Variants in MMRN1 observed in about 807,000 individuals in gnomAD.
The protein encoded by MMRN1 is multimerin 1.
In MMRN1, 94 loss-of-function variants were observed where a neutral mutation model predicts 100.7. That is an observed-to-expected ratio of 0.93 (90% confidence interval 0.79 to 1.11). The LOEUF is 1.11. Among genes scored for constraint, MMRN1 ranks in the 50% least tolerant of loss-of-function variants. MMRN1 has a pLI of 0.00. For synonymous variants in MMRN1, 575 were observed against 505.0 expected, an observed-to-expected ratio of 1.14 and a Z score of -1.86; for missense variants, 1,606 against 1,439.1, an observed-to-expected ratio of 1.12 and a Z score of -1.88.
chr4:89,927,747 G>C, intron 4 of MMRN1, 48 bp from the exon 5 acceptor site: 1 of 1,550,006 alleles, frequency 6.5e-7, no homozygotes, highest in Non-Finnish European at 8.8e-7. Flanking sequence ...ACCAACTATG[G>C]GTCAAAATAT....
chr4:89,893,072 G>C (rs143856062), upstream of MMRN1, among the ~76,000 whole-genome samples: 1 of 152,122 alleles, frequency 6.6e-6, no homozygotes, highest in African/African-American at 2.4e-5. Context: ...TAAAGACACT[G>C]TAAAGCCTTT....
At chr4:89,897,613 G>A (rs535437168) in intron 1 of MMRN1, among the ~76,000 whole-genome samples, 2 of 152,252 alleles carry the variant, frequency 1.3e-5, no homozygotes, top group South Asian at 4.2e-4. Flanking sequence ...GCATACAGTT[G>A]TGTCATAATT....
intron 5 of MMRN1, among the ~76,000 whole-genome samples, chr4:89,932,161 A>T (rs1560592770): frequency 6.6e-6 from 1 of 152,184 alleles, no homozygotes; most frequent in East Asian, 1.9e-4. Flanking sequence ...TACGGGCCTC[A>T]CGCAAGTCCG....
At position 89,879,695 on chromosome 4, in the gene MMRN1, A is replaced by G. The variant is rs149900418; in HGVS notation, c.-249+93A>G. The G allele has an allele frequency of 8.5e-5, 13 of 152,270 alleles. No homozygotes were observed. In the East Asian group the frequency reaches 2.5e-3, roughly 29 times the overall value. 9.4% of individuals were successfully genotyped at this position (152,270 alleles called of 1,614,324 possible). A position where few individuals can be genotyped will look rare whatever the true frequency, so the allele number is the denominator to read the frequency against. On this transcript the variant is annotated intron_variant, in intron 1 of 8. Transcript: ENST00000394980. ...TTTCTTCAAATAAGATTACAGGTCT[A>G]TTTCAAGTATTAGTAGTTTAGCTCT... is the stretch of plus-strand genomic sequence containing the variant.
intron 6 of MMRN1, chr4:89,951,331 C>A (rs912268376): frequency 1.0e-5 from 3 of 299,814 alleles, no homozygotes; most frequent in African/African-American, 6.5e-5. Context: ...TAATTCTATT[C>A]TGTTCTGCAG....
chr4:89,931,952 TC>T (rs1277239706), intron 5 of MMRN1, among the ~76,000 whole-genome samples: 2 of 152,008 alleles, frequency 1.3e-5, no homozygotes, highest in African/African-American at 4.8e-5. Context: ...TTCCCAACAG[TC>T]CCCCAAAGTC....
intron 1 of MMRN1, among the ~76,000 whole-genome samples, chr4:89,884,201 T>C (rs142143831): frequency 1.6e-3 from 240 of 152,244 alleles, no homozygotes; most frequent in African/African-American, 5.4e-3. Context: ...TGTGTTTCTT[T>C]ATTAATTTTA....
intron 6 of MMRN1, among the ~76,000 whole-genome samples, chr4:89,939,640 C>A (rs1188466782): frequency 6.6e-6 from 1 of 152,136 alleles, no homozygotes; most frequent in Non-Finnish European, 1.5e-5. Context: ...GGCTTCTGGC[C>A]AGCTAGACTC....
intron 2 of MMRN1, 116 bp downstream of exon 2, chr4:89,909,511 A>G: frequency 7.7e-7 from 1 of 1,300,522 alleles, no homozygotes; most frequent in African/African-American, 1.5e-5. Context: ...AGGGGATGGT[A>G]GTCACATTAT....
chr4:89,895,100 A>C lies in MMRN1; in HGVS notation c.129A>C (p.Ser43=), dbSNP rs1721147692. The change falls in exon 1 of 8, where the codon TCA becomes TCC. Residue 43 remains serine (S), a synonymous_variant. Transcript: ENST00000264790. The stretch of plus-strand genomic sequence containing the variant: ...CTCAGAAGACTATGCCTTCTGCTTC[A>C]GTTCCTCCAAATAAAATACAAAGTT... The part of the protein sequence containing the change: ...GNSQKTMPSA[S]VPPNKIQSLQ... 6.2e-7 allele frequency: 1 copy of C among 1,613,806 alleles called. No individual in the cohort carries two copies. The highest frequency in any genetic ancestry group is 1.3e-5 in the African/African-American group (1 of 74,896).
chr4:89,911,860 C>A, intron 2 of MMRN1, 84 bp from the exon 3 acceptor site: 2 of 896,246 alleles, frequency 2.2e-6, no homozygotes, highest in Non-Finnish European at 3.5e-6. Context: ...AGGCATTGCC[C>A]CAAAAACTTT....
chr4:89,906,452 A>G (rs1191115591), intron 1 of MMRN1, among the ~76,000 whole-genome samples: 1 of 151,528 alleles, frequency 6.6e-6, no homozygotes, highest in Non-Finnish European at 1.5e-5. Flanking sequence ...TTACCCTGAA[A>G]GAGAATCCCA....
At chr4:89,913,378 C>A (rs1721815184) in intron 3 of MMRN1, among the ~76,000 whole-genome samples, 1 of 151,288 alleles carries the variant, frequency 6.6e-6, no homozygotes, top group East Asian at 1.9e-4. Context: ...TATTAGTAGA[C>A]ATGTGGCAGG....
chr4:89,881,394 A>T (rs1431904213), intron 1 of MMRN1, among the ~76,000 whole-genome samples: 2 of 152,078 alleles, frequency 1.3e-5, no homozygotes, highest in South Asian at 4.1e-4. Context: ...TCTAGTCATG[A>T]CATACAAAAT....
intron 6 of MMRN1, among the ~76,000 whole-genome samples, chr4:89,945,676 C>G (rs530215427): frequency 1.2e-4 from 19 of 152,174 alleles, no homozygotes; most frequent in Admixed American, 1.1e-3. Context: ...TTCACGATAT[C>G]AAACAAAAAC....
chr4:89,895,663 A>G (rs1352657425), intron 1 of MMRN1, 69 bp downstream of exon 1: 2 of 1,471,844 alleles, frequency 1.4e-6, no homozygotes, highest in East Asian at 4.9e-5. Context: ...AGTGAAATTT[A>G]CCTCACTCCC....
chr4:89,900,068 A>G (rs1316207428), intron 1 of MMRN1, among the ~76,000 whole-genome samples: 1 of 152,104 alleles, frequency 6.6e-6, no homozygotes, highest in Admixed American at 6.6e-5. Flanking sequence ...TTTGTCTTTC[A>G]GACTTTGAGA....
intron 1 of MMRN1, among the ~76,000 whole-genome samples, chr4:89,900,775 A>G (rs1338834379): frequency 6.6e-6 from 1 of 152,012 alleles, no homozygotes; most frequent in African/African-American, 2.4e-5. Flanking sequence ...TTGGCAAAGC[A>G]TTGGTATATA....
intron 1 of MMRN1, among the ~76,000 whole-genome samples, chr4:89,898,822 G>A (rs1721293525): frequency 6.6e-6 from 1 of 151,964 alleles, no homozygotes; most frequent in African/African-American, 2.4e-5. Flanking sequence ...GCTCCTACAG[G>A]TCTCTTTGAA....
Sources: allele counts gnomAD v4.1 joint callset (sites outside exome capture counted in the v4.1 genomes callset), GRCh38; gene constraint gnomAD v4.1.1; transcripts MANE v1.5; gene names NCBI Gene and HGNC (gene_info 2026-07-23, HGNC 2026-07-21).